Variants in APOB observed in about 807,000 individuals in gnomAD.
APOB encodes the protein apolipoprotein B-100.
In APOB, 153 loss-of-function variants were observed where a neutral mutation model predicts 314.1. The observed-to-expected ratio is 0.49, with a 90% CI of 0.43 to 0.56. The LOEUF is 0.56. Ranked by LOEUF, APOB falls within the 20% of genes least tolerant of loss-of-function variation. The pLI, the probability that APOB is intolerant of heterozygous loss-of-function variation, is 0.00. For synonymous variants in APOB, 2,087 were observed against 2,036.4 expected (o/e 1.02, Z -0.67); for missense variants, 5,430 against 5,350.7 (o/e 1.01, Z -0.46).
rs1435043458 is a variant in APOB at position 21,019,835 on chromosome 2, A to G, written c.2887T>C (p.Trp963Arg). The G allele has an allele frequency of 1.9e-6, 3 of 1,614,092 alleles. No homozygotes were observed. The highest frequency in any genetic ancestry group is 2.5e-6 in the Non-Finnish European group (3 of 1,180,050). ...GGAAAGACTTGCTTGCAAACTGACC[A>G]GGACTGCCTGTTCTCAATGAGAGGT... ...IPPLIENRQS[W>R]SVCKQVFPGL... Residue 963 changes from tryptophan (W) to arginine (R), a missense_variant, in exon 19 of 29, where the codon TGG becomes CGG. This residue lies in a region of APOB where 2,085 missense variants were observed against 2,079.7 expected (regional missense o/e 1.00). Coordinates refer to ENST00000233242, the MANE Select transcript of APOB (RefSeq NM_000384.3).
Position 21,019,090 on chromosome 2 carries a change from G to C in APOB, c.3023C>G (p.Thr1008Arg), listed in dbSNP as rs1663539785. The C allele has an allele frequency of 7.4e-6, 12 of 1,613,924 alleles. No homozygotes were observed. The East Asian group carries it at 2.7e-4, about 36-fold the overall frequency. The change falls in exon 20 of 29, where the codon ACA becomes AGA. Residue 1008 changes from threonine (T) to arginine (R), a missense_variant. Transcript: ENST00000233242. ...GACAGAATACTGCTCAATCTCTCCTGTAGGCCTCAGTTCCAGCTCTAATCT... is the reference window on the plus strand; with the variant it reads ...GACAGAATACTGCTCAATCTCTCCTCTAGGCCTCAGTTCCAGCTCTAATCT... ...DTRLELELRP[T>R]GEIEQYSVSA...
chr2:21,040,852 G>A, intron 4 of APOB, 86 bp downstream of exon 4: 1 of 1,464,198 alleles, frequency 6.8e-7, no homozygotes, highest in East Asian at 2.3e-5. Flanking sequence ...AATACTTACA[G>A]TCACATCCGT....
rs12720825 is a variant in APOB at position 21,018,418 on chromosome 2, C to T, written c.3121+574G>A. Among the ~76,000 whole-genome samples, 256 of 152,300 alleles carry T rather than the reference C, an allele frequency of 1.7e-3. 2 individuals are homozygous for T. The highest frequency in any genetic ancestry group is 5.5e-3 in the African/African-American group (229 of 41,544). The stretch of plus-strand genomic sequence containing the variant: ...CCTTCACCTCTCCATATCTCTCTGT[C>T]CTCATCTTCTACCTCTTTTCTCCCT... On this transcript the variant is annotated intron_variant, in intron 20 of 28. Transcript: ENST00000233242.
At position 21,013,478 on chromosome 2, in the gene APOB, A is replaced by G. The variant is rs1663388281; in HGVS notation, c.3898T>C (p.Leu1300=). The G allele has an allele frequency of 6.2e-7, 1 of 1,614,102 alleles. No homozygotes were observed. Among genetic ancestry groups the G allele is most frequent in the African/African-American group, 1.3e-5 (1 of 74,928 alleles). ...CTGGAGGATTTGCCACCAAAAGGCAAAGGAATCTCAATTTTCAAACTGTTC... is the reference window on the plus strand; with the variant it reads ...CTGGAGGATTTGCCACCAAAAGGCAGAGGAATCTCAATTTTCAAACTGTTC... ...NKNSLKIEIP[L]PFGGKSSRDL... Residue 1300 remains leucine (L), a synonymous_variant, in exon 25 of 29, where the codon TTG becomes CTG. Coordinates refer to ENST00000233242, the MANE Select transcript of APOB (RefSeq NM_000384.3).
chr2:21,014,992 C>A (rs766787025), intron 23 of APOB, 81 bp downstream of exon 23: 2 of 1,427,360 alleles, frequency 1.4e-6, no homozygotes, highest in South Asian at 2.3e-5. Flanking sequence ...TCTTTGGAAA[C>A]CTTCCTGCAC....
At chr2:21,014,931 T>G in intron 23 of APOB, 142 bp downstream of exon 23, 1 of 911,876 alleles carries the variant, frequency 1.1e-6, no homozygotes, top group Non-Finnish European at 1.7e-6. Context: ...TTGTGAAAGT[T>G]TTTTTTTCTC....
chr2:21,029,455 A>AGAAG (rs1020950739), intron 12 of APOB, among the ~76,000 whole-genome samples, 184 bp downstream of exon 12: 1 of 151,016 alleles, frequency 6.6e-6, no homozygotes, highest in African/African-American at 2.4e-5. Flanking sequence ...CCATCTCGAA[A>AGAAG]GAAGGAAGGA....
chr2:21,028,239 AGG>A (rs1296516697), intron 13 of APOB, 86 bp downstream of exon 13: 1 of 1,265,356 alleles, frequency 7.9e-7, no homozygotes, highest in African/African-American at 1.5e-5. Flanking sequence ...TTCAGAAGCA[AGG>A]GCAGACAGTG....
intron 18 of APOB, among the ~76,000 whole-genome samples, chr2:21,022,330 C>A (rs1663631273): frequency 6.6e-6 from 1 of 152,102 alleles, no homozygotes; most frequent in African/African-American, 2.4e-5. Flanking sequence ...TAAGGCAAAT[C>A]AATGGTTGAG....
At position 21,003,196 on chromosome 2, in the gene APOB, TGGGC is replaced by T. The variant is rs1558559427; in HGVS notation, c.12222_12225del (p.Pro4075ArgfsTer22). The T allele has an allele frequency of 6.2e-7, 1 of 1,614,068 alleles. No individual in the cohort carries two copies. The highest frequency in any genetic ancestry group is 1.6e-4 in the Middle Eastern group (1 of 6,062). On this transcript the variant is annotated frameshift_variant, in exon 29 of 29. Transcript: ENST00000233242. LOFTEE classifies it low-confidence loss of function (END_TRUNC). ...TAATCATAAAGGACCCCTGTGGCCT[TGGGC>T]ACGTTGTCTTTCAGAGAGGTTAGCA...
chr2:21,031,671 A>G (rs1183647131), intron 10 of APOB, among the ~76,000 whole-genome samples: 1 of 152,206 alleles, frequency 6.6e-6, no homozygotes, highest in African/African-American at 2.4e-5. Context: ...CAACATGGTG[A>G]AACCCTGTAT....
chr2:21,020,670 A>G (rs1406378158), intron 18 of APOB, among the ~76,000 whole-genome samples: 1 of 152,248 alleles, frequency 6.6e-6, no homozygotes, highest in East Asian at 1.9e-4. Context: ...TACATGTAAG[A>G]AAGTTCAACA....
chr2:21,004,500 G>A (rs1483304187), intron 27 of APOB, 48 bp from the exon 28 acceptor site: 1 of 1,612,758 alleles, frequency 6.2e-7, no homozygotes, highest in Non-Finnish European at 8.5e-7. Context: ...GTATGGAGAT[G>A]AAGAAAATCA....
chr2:21,034,406 G>A (rs1418404607), intron 8 of APOB, among the ~76,000 whole-genome samples: 1 of 152,188 alleles, frequency 6.6e-6, no homozygotes, highest in Non-Finnish European at 1.5e-5. Flanking sequence ...CTGGGTAAGG[G>A]TTGGACTTGA....
chr2:21,008,642 C>T lies in APOB; in HGVS notation c.8226G>A (p.Gln2742=), dbSNP rs376773500. The T allele has an allele frequency of 1.1e-4, 171 of 1,613,902 alleles. No homozygotes were observed. The highest frequency in any genetic ancestry group is 1.4e-4 in the Non-Finnish European group (162 of 1,179,982). Residue 2742 remains glutamine (Q), a synonymous_variant, in exon 26 of 29, where the codon CAG becomes CAA. Coordinates refer to ENST00000233242, the MANE Select transcript of APOB (RefSeq NM_000384.3). ...QVPDLHIPEF[Q]LPHISHTIEV... is the part of the protein sequence containing the mutation. Reference sequence around the variant, plus strand: ...CAATTGTGTGTGAGATGTGGGGAAGCTGGAATTCTGGTATGTGAAGGTCAG... The same window carrying T: ...CAATTGTGTGTGAGATGTGGGGAAGTTGGAATTCTGGTATGTGAAGGTCAG...
intron 2 of APOB, 133 bp from the exon 3 acceptor site, chr2:21,042,609 T>G (rs749482682): frequency 1.8e-5 from 13 of 727,208 alleles, no homozygotes; most frequent in African/African-American, 3.5e-5. Flanking sequence ...TTTAATTGAC[T>G]TTATACTTAA....
chr2:21,035,459 C>A (rs1023448551), intron 7 of APOB, 125 bp downstream of exon 7: 9 of 1,266,972 alleles, frequency 7.1e-6, no homozygotes, highest in Non-Finnish European at 9.1e-6. Flanking sequence ...CAGGGAGGGG[C>A]GGCATTTTAT....
At position 21,033,316 on chromosome 2, in the gene APOB, C is replaced by A. The variant is rs750162395; in HGVS notation, c.1107G>T (p.Gln369His). The change falls in exon 9 of 29, where the codon CAG (glutamine) becomes CAT (histidine). Residue 369 changes from glutamine to histidine, a missense_variant. By Grantham distance (24) the Gln-to-His change is conservative. Coordinates refer to ENST00000233242, the MANE Select transcript of APOB (RefSeq NM_000384.3). The part of the protein sequence containing the change: ...SDEAVTSLLP[Q>H]LIEVSSPITL... Reference sequence around the variant, plus strand: ...TTAGATACCTGGACACCTCAATCAGCTGTGGCAAGAGAGATGTGACTGCTT... The same window carrying A: ...TTAGATACCTGGACACCTCAATCAGATGTGGCAAGAGAGATGTGACTGCTT... The A allele has an allele frequency of 6.2e-7, 1 of 1,613,968 alleles. No homozygotes were observed. Among genetic ancestry groups the A allele is most frequent in the Non-Finnish European group, 8.5e-7 (1 of 1,179,838 alleles).
Position 21,006,619 on chromosome 2 carries a change from T to C in APOB, c.10249A>G (p.Thr3417Ala). 1 of 1,614,100 alleles carries C rather than the reference T, an allele frequency of 6.2e-7. No individual in the cohort carries two copies. Residue 3417 changes from threonine to alanine, a missense_variant, in exon 26 of 29, where the codon ACC (threonine) becomes GCC (alanine). Physicochemically the swap from Thr to Ala is moderately conservative, Grantham distance 58. Transcript: ENST00000233242. ...ACTGACACTTCCATATTTTTCGTGGTTAAGCTCACAGTACTGTTATGACTA... is the reference window on the plus strand; with the variant it reads ...ACTGACACTTCCATATTTTTCGTGGCTAAGCTCACAGTACTGTTATGACTA... ...EGSHNSTVSL[T>A]TKNMEVSVAT...
Sources: allele counts gnomAD v4.1 joint callset (sites outside exome capture counted in the v4.1 genomes callset), GRCh38; gene constraint gnomAD v4.1.1; regional missense constraint gnomAD v4.1.1; transcripts MANE v1.5; gene names NCBI Gene and HGNC (gene_info 2026-07-23, HGNC 2026-07-21).